The following SMG6 variants were observed in gnomAD, a reference collection of about 807,000 sequenced individuals.
SMG6 encodes the protein SMG6 nonsense mediated mRNA decay factor.
Under a neutral mutation model 142.2 loss-of-function variants are expected in SMG6, and 66 were observed. The ratio of observed to expected loss-of-function variants is 0.46; its 90% CI spans 0.38 to 0.57. The LOEUF (loss-of-function observed/expected upper bound fraction) is 0.57. SMG6 is among the 20% of genes least tolerant of loss of function. The probability of loss-of-function intolerance (pLI) is 0.00; values close to 1 mark genes in which losing one functional copy is unlikely to be tolerated. For missense variants in SMG6, 1,793 were observed against 1,832.0 expected (o/e 0.98, Z 0.39); for synonymous variants, 779 against 702.4 (o/e 1.11, Z -1.72).
At chr17:2,066,567 G>A (rs764912645) in intron 16 of SMG6, among the ~76,000 whole-genome samples, 19 of 151,416 alleles carry the variant, frequency 1.3e-4, no homozygotes, top group African/African-American at 2.4e-4. Context: ...TCAGGGAGCC[G>A]GCGTGAGCAT....
intron 9 of SMG6, chr17:2,237,545 T>A: frequency 5.1e-6 from 5 of 985,444 alleles, no homozygotes; most frequent in Non-Finnish European, 6.0e-6. Flanking sequence ...GCCGTCCTCC[T>A]CCCTCTCACA....
At chr17:2,076,035 G>A (rs973730762) in intron 15 of SMG6, among the ~76,000 whole-genome samples, 5 of 152,212 alleles carry the variant, frequency 3.3e-5, no homozygotes, top group Admixed American at 1.3e-4. Flanking sequence ...AGCTTAGGCG[G>A]CCCAGGGGTC....
chr17:2,094,227 G>A (rs752237868), intron 13 of SMG6, among the ~76,000 whole-genome samples: 6 of 152,112 alleles, frequency 3.9e-5, no homozygotes, highest in Non-Finnish European at 8.8e-5. Flanking sequence ...GTTTGAGGAG[G>A]CCCTGCAAAC....
chr17:2,200,430 A>G (rs1036972744), intron 10 of SMG6, among the ~76,000 whole-genome samples: 2 of 151,912 alleles, frequency 1.3e-5, no homozygotes, highest in African/African-American at 4.8e-5. Context: ...ACATATGTAT[A>G]CATGTGCCAT....
chr17:2,082,743 T>C (rs2068458693), intron 14 of SMG6, among the ~76,000 whole-genome samples: 1 of 152,204 alleles, frequency 6.6e-6, no homozygotes, highest in Non-Finnish European at 1.5e-5. Context: ...CTTTTGGCCT[T>C]GGTCAACAGA....
chr17:2,158,946 T>C (rs1459826888), intron 13 of SMG6, among the ~76,000 whole-genome samples: 2 of 146,202 alleles, frequency 1.4e-5, no homozygotes, highest in Non-Finnish European at 3.0e-5. Flanking sequence ...ACGAGAAATA[T>C]TCACAGGATG....
chr17:2,267,461 G>T lies in SMG6; in HGVS notation c.2661+15186C>A, dbSNP rs941754158. ...AATCCTCCTGCCTCAGCCTCCCAAT[G>T]TGCCGGGATTATACCGGCGTTGAGT... is the stretch of plus-strand genomic sequence containing the variant. On this transcript the variant is annotated intron_variant, in intron 8 of 18. Transcript: ENST00000263073. Among the ~76,000 whole-genome samples, 5 of 151,926 alleles carry T rather than the reference G, an allele frequency of 3.3e-5. No homozygotes were observed. In the South Asian group the frequency reaches 1.0e-3, roughly 32 times the overall value.
chr17:2,190,741 C>G (rs1033526541), intron 10 of SMG6, among the ~76,000 whole-genome samples: 19 of 152,142 alleles, frequency 1.2e-4, no homozygotes, highest in South Asian at 4.1e-4. Context: ...AGCTAGAAGG[C>G]AGCTTCATGA....
intron 10 of SMG6, among the ~76,000 whole-genome samples, chr17:2,193,285 C>T (rs1041075352): frequency 3.9e-5 from 6 of 152,220 alleles, no homozygotes; most frequent in Non-Finnish European, 7.3e-5. Context: ...GCTCCCCTTT[C>T]GCCTTCTGCC....
chr17:2,134,331 T>C (rs536364945), intron 13 of SMG6, among the ~76,000 whole-genome samples: 16 of 146,620 alleles, frequency 1.1e-4, no homozygotes, highest in South Asian at 2.1e-4. Flanking sequence ...GGCAGGCGAA[T>C]TGCTTGAACC....
At chr17:2,249,412 T>C (rs1002843225) in intron 8 of SMG6, among the ~76,000 whole-genome samples, 5 of 152,132 alleles carry the variant, frequency 3.3e-5, no homozygotes, top group African/African-American at 1.2e-4. Flanking sequence ...CCTCTCACCT[T>C]AGCCCGCAAA....
intron 13 of SMG6, among the ~76,000 whole-genome samples, chr17:2,112,114 C>G (rs566656567): frequency 6.6e-6 from 1 of 151,966 alleles, no homozygotes; most frequent in Non-Finnish European, 1.5e-5. Flanking sequence ...TAGGTATAGT[C>G]TTCATTAGGC....
chr17:2,300,442 T>G lies in SMG6; in HGVS notation c.311A>C (p.Gln104Pro). The G allele has an allele frequency of 3.1e-6, 5 of 1,614,240 alleles. No homozygotes were observed. The highest frequency in any genetic ancestry group is 4.2e-6 in the Non-Finnish European group (5 of 1,180,034). ...TGGGTCTATAGGACCATTCTGCTCT[T>G]GGTTGTTCAGTTCCTTGCAGACATC... ...VKDVCKELNNQEQNGPIDPEN... is the reference protein window; with the variant it reads ...VKDVCKELNNPEQNGPIDPEN... Residue 104 changes from glutamine (Q) to proline (P), a missense_variant, in exon 2 of 19, where the codon CAA becomes CCA. Transcript: ENST00000263073.
rs1015011054 is a variant in SMG6, at chr17:2,300,768, G to A, written c.89-104C>T. On this transcript the variant is annotated intron_variant, in intron 1 of 18. Transcript: ENST00000263073. Reference sequence around the variant, plus strand: ...TTCTGGTTAAGTAACAAAAAAAGTCGAGCAAGAATTACATATCCAAATGCT... The same window carrying A: ...TTCTGGTTAAGTAACAAAAAAAGTCAAGCAAGAATTACATATCCAAATGCT... The A allele has an allele frequency of 3.4e-5, 36 of 1,071,238 alleles. No homozygotes were observed. In the African/African-American group the frequency reaches 4.9e-4, roughly 15 times the overall value. 66.4% of individuals were successfully genotyped at this position (1,071,238 alleles called of 1,614,324 possible). A position where few individuals can be genotyped will look rare whatever the true frequency, so the allele number is the denominator to read the frequency against.
intron 8 of SMG6, among the ~76,000 whole-genome samples, chr17:2,250,695 T>A (rs1034009526): frequency 2.6e-5 from 4 of 152,198 alleles, no homozygotes; most frequent in Non-Finnish European, 5.9e-5. Context: ...CATATATTTT[T>A]AAAAAAACAA....
At chr17:2,202,655 A>G (rs747138084) in intron 10 of SMG6, among the ~76,000 whole-genome samples, 3 of 152,240 alleles carry the variant, frequency 2.0e-5, no homozygotes, top group Non-Finnish European at 4.4e-5. Context: ...TTTGATAAAG[A>G]AAAGTAGACA....
intron 12 of SMG6, among the ~76,000 whole-genome samples, chr17:2,185,795 C>T (rs999829497): frequency 1.1e-4 from 16 of 151,188 alleles, no homozygotes; most frequent in African/African-American, 2.7e-4. Flanking sequence ...AGACAGGGGG[C>T]GAGGGGAGGG....
chr17:2,242,689 T>TAAAAAAAAAAAAAAAAAA (rs57079220), intron 9 of SMG6, among the ~76,000 whole-genome samples: 4 of 55,838 alleles, frequency 7.2e-5, no homozygotes, highest in Non-Finnish European at 9.3e-5. Context: ...TCCATCTCTT[T>TAAAAAAAAAAAAAAAAAA]AAAAAAAAAA....
chr17:2,091,201 A>G (rs1039716366), intron 13 of SMG6, among the ~76,000 whole-genome samples: 2 of 152,210 alleles, frequency 1.3e-5, no homozygotes, highest in Non-Finnish European at 2.9e-5. Context: ...AAGTTCAGAC[A>G]CAAGAAATAA....
Sources: gnomAD v4.1 joint callset for allele counts (sites outside exome capture counted in the v4.1 genomes callset) on GRCh38, gnomAD v4.1.1 for gene constraint, MANE v1.5 for transcripts, NCBI Gene and HGNC (gene_info 2026-07-23, HGNC 2026-07-21) for gene names.